PDGFC: variants seen among roughly 807,000 people sequenced by gnomAD.
The protein encoded by PDGFC is platelet derived growth factor C.
PDGFC carries 12 observed loss-of-function variants against 35.5 expected under a neutral mutation model. The ratio of observed to expected loss-of-function variants is 0.34; its 90% CI spans 0.22 to 0.55. PDGFC has a LOEUF of 0.55. PDGFC is among the 20% of genes least tolerant of loss of function. The pLI is 0.91. For synonymous variants in PDGFC, 159 were observed against 148.8 expected (o/e 1.07, Z -0.50); for missense variants, 322 against 412.4 (o/e 0.78, Z 1.90).
At chr4:156,956,479 T>C (rs1262826444) in intron 1 of PDGFC, among the ~76,000 whole-genome samples, 1 of 151,918 alleles carries the variant, frequency 6.6e-6, no homozygotes, top group African/African-American at 2.4e-5. Context: ...TTGACTAGAG[T>C]AGACACAACC....
intron 2 of PDGFC, among the ~76,000 whole-genome samples, chr4:156,840,719 G>A (rs1729181293): frequency 6.6e-6 from 1 of 152,170 alleles, no homozygotes. Flanking sequence ...TGAGAGTGGG[G>A]CTGTACCCTG....
At chr4:156,840,000 G>T (rs1190495998) in intron 2 of PDGFC, among the ~76,000 whole-genome samples, 1 of 152,152 alleles carries the variant, frequency 6.6e-6, no homozygotes, top group Non-Finnish European at 1.5e-5. Flanking sequence ...AAGCATTCAA[G>T]AGGTGACAGA....
At chr4:156,811,804 G>A (rs992923751) in intron 2 of PDGFC, among the ~76,000 whole-genome samples, 1 of 152,064 alleles carries the variant, frequency 6.6e-6, no homozygotes, top group Non-Finnish European at 1.5e-5. Context: ...ATGACAGACT[G>A]TTTCACAAAT....
intron 1 of PDGFC, among the ~76,000 whole-genome samples, chr4:156,918,355 T>C (rs1731197076): frequency 6.6e-6 from 1 of 152,170 alleles, no homozygotes; most frequent in African/African-American, 2.4e-5. Context: ...ATGCAACAAA[T>C]AGGATGTGAA....
chr4:156,786,220 G>C (rs940902834), intron 3 of PDGFC, among the ~76,000 whole-genome samples: 4 of 152,112 alleles, frequency 2.6e-5, no homozygotes, highest in Non-Finnish European at 5.9e-5. Context: ...GTGAACAAAA[G>C]AAGTAAATAT....
intron 3 of PDGFC, among the ~76,000 whole-genome samples, chr4:156,803,596 T>C (rs1731675068): frequency 1.3e-5 from 2 of 152,046 alleles, no homozygotes; most frequent in South Asian, 4.2e-4. Flanking sequence ...AAGAGTTATT[T>C]CAAAAAATTG....
chr4:156,856,127 T>G (rs1011770820), intron 1 of PDGFC, among the ~76,000 whole-genome samples: 3 of 152,096 alleles, frequency 2.0e-5, no homozygotes, highest in Admixed American at 6.6e-5. Flanking sequence ...TTAAGACAAA[T>G]AGCACAATAA....
At chr4:156,866,946 C>T (rs1729858765) in intron 1 of PDGFC, among the ~76,000 whole-genome samples, 1 of 152,076 alleles carries the variant, frequency 6.6e-6, no homozygotes, top group Non-Finnish European at 1.5e-5. Flanking sequence ...ATCATCATCA[C>T]GTCTGTACCT....
intron 1 of PDGFC, among the ~76,000 whole-genome samples, chr4:156,968,391 G>A (rs991600635): frequency 9.2e-5 from 14 of 152,218 alleles, no homozygotes; most frequent in East Asian, 1.9e-4. Context: ...AGGAGGGTTC[G>A]TATTTACAGG....
intron 3 of PDGFC, among the ~76,000 whole-genome samples, chr4:156,798,247 G>C (rs1415736948): frequency 6.6e-6 from 1 of 152,064 alleles, no homozygotes; most frequent in Admixed American, 6.6e-5. Flanking sequence ...ACCTTAAAGA[G>C]GCAGCTTTAG....
At chr4:156,954,396 A>G (rs1288333857) in intron 1 of PDGFC, among the ~76,000 whole-genome samples, 3 of 151,986 alleles carry the variant, frequency 2.0e-5, no homozygotes, top group Non-Finnish European at 4.4e-5. Context: ...ACAGTTGTCA[A>G]TCTCAAAACC....
chr4:156,762,861 C>T lies in PDGFC; in HGVS notation c.*229G>A, dbSNP rs1025522094. 5.2e-5 allele frequency: 23 copies of T among 444,136 alleles called. No homozygotes were observed. The highest frequency in any genetic ancestry group is 3.5e-4 in the African/African-American group (18 of 51,378). The allele number at this position is 444,136 out of a possible 1,614,324, so 27.5% of individuals were successfully genotyped here. Reference sequence around the variant, plus strand: ...AATACAACATTTAATTTTCTTTCCACGATTGAAGACCTTTTCTCCTGTCCT... The same window carrying T: ...AATACAACATTTAATTTTCTTTCCATGATTGAAGACCTTTTCTCCTGTCCT... On this transcript the variant is annotated 3_prime_UTR_variant, in exon 6 of 6. Transcript: ENST00000502773.
intron 1 of PDGFC, among the ~76,000 whole-genome samples, chr4:156,888,455 T>A (rs889560019): frequency 6.6e-6 from 1 of 152,214 alleles, no homozygotes; most frequent in Non-Finnish European, 1.5e-5. Context: ...TTTCTGATTA[T>A]AAATTCAGAC....
chr4:156,964,237 C>T (rs1022860111), intron 1 of PDGFC, among the ~76,000 whole-genome samples: 2 of 151,668 alleles, frequency 1.3e-5, no homozygotes, highest in African/African-American at 4.8e-5. Context: ...TTATTCATCA[C>T]CATCACTGAA....
intron 1 of PDGFC, among the ~76,000 whole-genome samples, chr4:156,958,128 C>G (rs573201642): frequency 5.3e-5 from 8 of 152,126 alleles, no homozygotes; most frequent in Admixed American, 2.6e-4. Flanking sequence ...TGCATGTCTT[C>G]TCTCTCCCTT....
chr4:156,946,906 A>G (rs1731962753), intron 1 of PDGFC, among the ~76,000 whole-genome samples: 2 of 151,990 alleles, frequency 1.3e-5, no homozygotes, highest in South Asian at 4.1e-4. Flanking sequence ...TTTACTTAGG[A>G]ATGCTTGAAA....
intron 4 of PDGFC, among the ~76,000 whole-genome samples, chr4:156,771,379 C>G (rs1017484026): frequency 6.6e-6 from 1 of 152,150 alleles, no homozygotes. Context: ...GGGCTCTATT[C>G]ATGGATATTT....
intron 1 of PDGFC, among the ~76,000 whole-genome samples, chr4:156,938,152 C>T (rs1167493434): frequency 6.6e-6 from 1 of 152,006 alleles, no homozygotes; most frequent in Non-Finnish European, 1.5e-5. Flanking sequence ...CACACACACA[C>T]ATACATAACA....
In PDGFC at chr4:156,760,812, C is replaced by T. The variant is rs865781304; in HGVS notation, c.*2278G>A. 1 of 152,020 alleles carries T rather than the reference C, an allele frequency of 6.6e-6. No individual in the cohort carries two copies. The highest frequency in any genetic ancestry group is 1.5e-5 in the Non-Finnish European group (1 of 68,006). 9.4% of individuals were successfully genotyped at this position (152,020 alleles called of 1,614,324 possible). A position where few individuals can be genotyped will look rare whatever the true frequency, so the allele number is the denominator to read the frequency against. ...ATATTAAAAAAGGGAAAATATATTT[C>T]GTTCAAAGATGGGAAACAATGGATT... is the stretch of plus-strand genomic sequence containing the variant. On this transcript the variant is annotated 3_prime_UTR_variant, in exon 6 of 6. Coordinates refer to ENST00000502773, the MANE Select transcript of PDGFC (RefSeq NM_016205.3).
Sources: allele counts gnomAD v4.1 joint callset (sites outside exome capture counted in the v4.1 genomes callset), GRCh38; gene constraint gnomAD v4.1.1; transcripts MANE v1.5; gene names NCBI Gene and HGNC (gene_info 2026-07-23, HGNC 2026-07-21).